DYNC1I1: variants seen among roughly 807,000 people sequenced by gnomAD.
DYNC1I1 encodes cytoplasmic dynein 1 intermediate chain 1.
A neutral mutation model predicts 86.6 loss-of-function variants in DYNC1I1; 43 were observed. That is an observed-to-expected ratio of 0.50 (90% CI 0.39 to 0.64). The LOEUF (loss-of-function observed/expected upper bound fraction) is 0.64. Ranked by LOEUF, DYNC1I1 falls within the 30% of genes least tolerant of loss-of-function variation. The pLI is 0.00. For synonymous variants in DYNC1I1, 262 were observed against 283.7 expected, an observed-to-expected ratio of 0.92 and a Z score of 0.77; for missense variants, 604 against 788.8, an observed-to-expected ratio of 0.77 and a Z score of 2.81.
Position 96,058,428 on chromosome 7 carries a change from G to A in DYNC1I1, c.1510-17629G>A, listed in dbSNP as rs899222242. On this transcript the variant is annotated intron_variant, in intron 14 of 16. Transcript: ENST00000447467. ...CCACCTTTAGTATTGCCTGAAGTTA[G>A]TTTCATGTAACTTAAATACATCTAG... 9.9e-5 allele frequency among the ~76,000 whole-genome samples: 15 copies of A among 152,232 alleles called. No individual in the cohort carries two copies. The East Asian group carries it at 2.9e-3, about 29-fold the overall frequency.
At chr7:95,911,632 T>C (rs1240223690) in intron 6 of DYNC1I1, among the ~76,000 whole-genome samples, 1 of 152,152 alleles carries the variant, frequency 6.6e-6, no homozygotes, top group East Asian at 1.9e-4. Flanking sequence ...AAGGCAGTGA[T>C]TCTCAAATTT....
chr7:95,933,980 C>T (rs965609523), intron 6 of DYNC1I1, among the ~76,000 whole-genome samples: 1 of 152,084 alleles, frequency 6.6e-6, no homozygotes, highest in Admixed American at 6.6e-5. Context: ...AGAGAACAAT[C>T]ACGGTTCACA....
At chr7:95,800,516 T>C (rs1187076816) in intron 1 of DYNC1I1, among the ~76,000 whole-genome samples, 1 of 152,136 alleles carries the variant, frequency 6.6e-6, no homozygotes, top group Non-Finnish European at 1.5e-5. Flanking sequence ...AATATGGGAC[T>C]CTGCTCCGAG....
At chr7:95,805,595 A>G (rs1794683526) in intron 2 of DYNC1I1, among the ~76,000 whole-genome samples, 1 of 152,152 alleles carries the variant, frequency 6.6e-6, no homozygotes, top group Non-Finnish European at 1.5e-5. Flanking sequence ...TATAAGCCCA[A>G]TCCAATGCCT....
chr7:96,065,885 C>A lies in DYNC1I1; in HGVS notation c.1510-10172C>A, dbSNP rs559685957. ...ATTTCTCTATTTTTTCTATTTTCTA[C>A]TCATTTAATGGTATTCGTCATTCAG... On this transcript the variant is annotated intron_variant, in intron 14 of 16. Transcript: ENST00000447467. Among the ~76,000 whole-genome samples the A allele has an allele frequency of 3.3e-5, 5 of 152,256 alleles. No individual in the cohort carries two copies. The South Asian group carries it at 1.0e-3, about 32-fold the overall frequency.
At chr7:96,074,047 A>G (rs1790250824) in intron 14 of DYNC1I1, among the ~76,000 whole-genome samples, 1 of 152,244 alleles carries the variant, frequency 6.6e-6, no homozygotes, top group Non-Finnish European at 1.5e-5. Context: ...AGTACATAAT[A>G]CATACTTTGG....
At chr7:95,829,657 T>C (rs1427884668) in intron 5 of DYNC1I1, among the ~76,000 whole-genome samples, 1 of 152,112 alleles carries the variant, frequency 6.6e-6, no homozygotes, top group Non-Finnish European at 1.5e-5. Context: ...AATTTTCCCA[T>C]TTATATCTGT....
chr7:95,834,547 T>C (rs1162760564), intron 5 of DYNC1I1, among the ~76,000 whole-genome samples: 6 of 132,946 alleles, frequency 4.5e-5, no homozygotes, highest in Non-Finnish European at 9.5e-5. Flanking sequence ...GAAGGAATGG[T>C]ACCAGTTCCT....
At chr7:95,998,461 A>G (rs954883769) in intron 10 of DYNC1I1, among the ~76,000 whole-genome samples, 8 of 152,252 alleles carry the variant, frequency 5.3e-5, no homozygotes, top group African/African-American at 1.7e-4. Context: ...ATTAAAATGT[A>G]TATGTGGAAA....
intron 16 of DYNC1I1, among the ~76,000 whole-genome samples, chr7:96,106,522 C>G (rs1326711925): frequency 6.6e-6 from 1 of 151,270 alleles, no homozygotes. Flanking sequence ...GCAACAAGAG[C>G]GAAACCCTGT....
intron 6 of DYNC1I1, among the ~76,000 whole-genome samples, chr7:95,964,114 T>C (rs1193939937): frequency 2.0e-5 from 3 of 152,210 alleles, no homozygotes; most frequent in African/African-American, 7.2e-5. Flanking sequence ...AATGTGCTAA[T>C]GATCTTCCTT....
At chr7:95,989,176 G>A (rs938051278) in intron 9 of DYNC1I1, among the ~76,000 whole-genome samples, 1 of 152,194 alleles carries the variant, frequency 6.6e-6, no homozygotes, top group Non-Finnish European at 1.5e-5. Context: ...AGAAGAGGGT[G>A]TTCTAGGCAG....
At chr7:95,868,578 A>T (rs1490931252) in intron 5 of DYNC1I1, among the ~76,000 whole-genome samples, 1 of 152,062 alleles carries the variant, frequency 6.6e-6, no homozygotes, top group Non-Finnish European at 1.5e-5. Flanking sequence ...TTTCTCCCAC[A>T]GAGACGCATG....
intron 5 of DYNC1I1, among the ~76,000 whole-genome samples, chr7:95,856,899 A>G (rs1789738796): frequency 6.6e-6 from 1 of 152,112 alleles, no homozygotes; most frequent in African/African-American, 2.4e-5. Flanking sequence ...GAATCGCTTG[A>G]ATCCGGGGGG....
intron 5 of DYNC1I1, among the ~76,000 whole-genome samples, chr7:95,832,367 A>C (rs1788933221): frequency 1.3e-5 from 2 of 151,766 alleles, no homozygotes; most frequent in South Asian, 4.2e-4. Flanking sequence ...CCAGTCTAAC[A>C]TTGTTGAACA....
At chr7:96,109,699 G>T (rs1025777655) in intron 16 of DYNC1I1, among the ~76,000 whole-genome samples, 5 of 152,046 alleles carry the variant, frequency 3.3e-5, no homozygotes, top group Non-Finnish European at 5.9e-5. Flanking sequence ...AATTTCCAAA[G>T]ATCTTTCAGT....
At chr7:95,849,794 T>C (rs1034645666) in intron 5 of DYNC1I1, among the ~76,000 whole-genome samples, 3 of 152,210 alleles carry the variant, frequency 2.0e-5, no homozygotes, top group African/African-American at 7.2e-5. Context: ...ATAGAATTTG[T>C]AGGTCACTTT....
At chr7:95,897,007 A>T (rs1432723054) in intron 6 of DYNC1I1, among the ~76,000 whole-genome samples, 1 of 152,222 alleles carries the variant, frequency 6.6e-6, no homozygotes, top group Non-Finnish European at 1.5e-5. Context: ...CCAACATAGA[A>T]ATTTATCTGT....
chr7:96,090,739 G>A (rs1790815280), intron 16 of DYNC1I1, among the ~76,000 whole-genome samples: 1 of 152,150 alleles, frequency 6.6e-6, no homozygotes, highest in African/African-American at 2.4e-5. Context: ...CTATTGACTG[G>A]TAATAGCAGA....
Sources: allele counts gnomAD v4.1 joint callset (sites outside exome capture counted in the v4.1 genomes callset), GRCh38; gene constraint gnomAD v4.1.1; transcripts MANE v1.5; gene names NCBI Gene and HGNC (gene_info 2026-07-23, HGNC 2026-07-21).